NUDT3: variants seen among roughly 807,000 people sequenced by gnomAD.
NUDT3 encodes diphosphoinositol polyphosphate phosphohydrolase 1.
A neutral mutation model predicts 23.6 loss-of-function variants in NUDT3; 9 were observed. The observed-to-expected ratio is 0.38, with a 90% CI of 0.23 to 0.66. The LOEUF is 0.66. NUDT3 is among the 30% of genes least tolerant of loss of function. NUDT3 has a pLI of 0.52. For synonymous variants in NUDT3, 86 were observed against 82.6 expected (o/e 1.04, Z -0.22); for missense variants, 172 against 218.5 (o/e 0.79, Z 1.34).
At chr6:34,311,991 A>G (rs1252096077) in intron 2 of NUDT3, among the ~76,000 whole-genome samples, 1 of 152,222 alleles carries the variant, frequency 6.6e-6, no homozygotes, top group Non-Finnish European at 1.5e-5. Context: ...ACACAAGGGA[A>G]AATATAGGTG....
chr6:34,288,686 G>A lies in NUDT3; in HGVS notation c.*67C>T. 6.5e-7 allele frequency: 1 copy of A among 1,545,464 alleles called. No individual in the cohort carries two copies. ...GCCTGTGAGAAGTGGAAAGAGCCAG[G>A]GTGAGAGGGAAGATTTGCACTTCAG... On this transcript the variant is annotated 3_prime_UTR_variant, in exon 5 of 5. Transcript: ENST00000607016.
At chr6:34,370,931 A>G (rs1348786891) in intron 1 of NUDT3, among the ~76,000 whole-genome samples, 2 of 151,124 alleles carry the variant, frequency 1.3e-5, no homozygotes, top group Non-Finnish European at 2.9e-5. Flanking sequence ...TGGTGAAACT[A>G]AATTTTTAGT....
chr6:34,364,675 G>C (rs1764699491), intron 1 of NUDT3, among the ~76,000 whole-genome samples: 1 of 152,192 alleles, frequency 6.6e-6, no homozygotes, highest in Non-Finnish European at 1.5e-5. Context: ...CCTAAGAACT[G>C]GCCATTATGT....
At chr6:34,304,762 G>A (rs1763652912) in intron 2 of NUDT3, among the ~76,000 whole-genome samples, 1 of 150,962 alleles carries the variant, frequency 6.6e-6, no homozygotes, top group African/African-American at 2.4e-5. Context: ...CCAGGCTGAA[G>A]CAATCCTCCC....
rs1671150325 is a variant in NUDT3 at position 34,392,537 on chromosome 6, G to A, written c.-175C>T. 4.7e-6 allele frequency: 2 copies of A among 424,050 alleles called. No individual in the cohort carries two copies. Among genetic ancestry groups the A allele is most frequent in the Admixed American group, 9.2e-5 (2 of 21,640 alleles). The allele number at this position is 424,050 out of a possible 1,614,324, so 26.3% of individuals were successfully genotyped here. On this transcript the variant is annotated 5_prime_UTR_variant, in exon 1 of 5. Coordinates refer to ENST00000607016, the MANE Select transcript of NUDT3 (RefSeq NM_006703.4). The stretch of plus-strand genomic sequence containing the variant: ...CGCCGCGGCCGCCTCATTCCCCCAG[G>A]CCCAGGTCCCGCGCCGCCGCTGCCA...
intron 4 of NUDT3, among the ~76,000 whole-genome samples, chr6:34,290,122 T>C (rs2113690714): frequency 6.6e-6 from 1 of 152,328 alleles, no homozygotes; most frequent in East Asian, 1.9e-4. Flanking sequence ...CTGTTATGAC[T>C]ATTAGTATGG....
At chr6:34,297,747 ATATATATATATAATTTT>A (rs1561899039) in intron 2 of NUDT3, among the ~76,000 whole-genome samples, 21 of 111,002 alleles carry the variant, frequency 1.9e-4, no homozygotes, top group African/African-American at 7.0e-4. Context: ...ATATATATAT[ATATATATATATAATTTT>A]TTTTTTTTTT....
intron 1 of NUDT3, among the ~76,000 whole-genome samples, chr6:34,391,000 A>G (rs773641204): frequency 7.2e-5 from 11 of 152,236 alleles, no homozygotes; most frequent in Non-Finnish European, 8.8e-5. Context: ...TACAAAGCAT[A>G]CGTTTCCAAA....
intron 1 of NUDT3, among the ~76,000 whole-genome samples, chr6:34,364,102 A>G (rs933298189): frequency 1.3e-5 from 2 of 152,214 alleles, no homozygotes; most frequent in Non-Finnish European, 1.5e-5. Context: ...TTTAAGTAAC[A>G]AATTTTTCTG....
In NUDT3 at chr6:34,279,965, A is replaced by T. The variant is rs1356278328; in HGVS notation, c.*8788T>A. 6.6e-6 allele frequency: 1 copy of T among 152,158 alleles called. No homozygotes were observed. The highest frequency in any genetic ancestry group is 1.5e-5 in the Non-Finnish European group (1 of 68,078). The allele number at this position is 152,158 out of a possible 1,614,324, so 9.4% of individuals were successfully genotyped here. On this transcript the variant is annotated 3_prime_UTR_variant, in exon 5 of 5. Transcript: ENST00000607016. ...ACATTAGTAAAGTAGGGAAAGGGTT[A>T]TATGTGTGGCTGGCCTGTTCTTTAG...
In NUDT3 at chr6:34,344,976, T is replaced by C. The variant is rs368030638; in HGVS notation, c.100-3004A>G. Among the ~76,000 whole-genome samples the C allele has an allele frequency of 1.1e-3, 165 of 152,194 alleles. 3 individuals carry two copies. In the South Asian group the frequency reaches 0.032, roughly 29 times the overall value. On this transcript the variant is annotated intron_variant, in intron 1 of 4. Coordinates refer to ENST00000607016, the MANE Select transcript of NUDT3 (RefSeq NM_006703.4). ...GAATTGTTCATTTTAAAATGGCTAA[T>C]GGTATGTTACATGAATTCCATTTTG...
In NUDT3 at chr6:34,281,507, C is replaced by T. The variant is rs1248442780; in HGVS notation, c.*7246G>A. ...CTAACTGAAATTTTACTTATTCTAA[C>T]CACCAACCTTTTCTTTGATTATCAA... On this transcript the variant is annotated 3_prime_UTR_variant, in exon 5 of 5. Coordinates refer to ENST00000607016, the MANE Select transcript of NUDT3 (RefSeq NM_006703.4). The T allele has an allele frequency of 5.6e-4, 11 of 19,684 alleles. No homozygotes were observed. Among genetic ancestry groups the T allele is most frequent in the African/African-American group, 9.1e-4 (10 of 11,016 alleles). The allele number at this position is 19,684 out of a possible 1,614,324, so 1.2% of individuals were successfully genotyped here. A position where few individuals can be genotyped will look rare whatever the true frequency, so the allele number is the denominator to read the frequency against.
At position 34,300,951 on chromosome 6, in the gene NUDT3, C is replaced by A. The variant is rs3798555; in HGVS notation, c.211-5266G>T. Among the ~76,000 whole-genome samples, 58 of 152,250 alleles carry A rather than the reference C, an allele frequency of 3.8e-4. 1 individual carries two copies. The East Asian group carries it at 0.011, about 28-fold the overall frequency. On this transcript the variant is annotated intron_variant, in intron 2 of 4. Coordinates refer to ENST00000607016, the MANE Select transcript of NUDT3 (RefSeq NM_006703.4). ...ATACTTTTACTACTTGGGTATGTAT[C>A]CACTATTAACAGTATTTGCTGCAAG...
At chr6:34,318,706 T>C (rs1165444310) in intron 2 of NUDT3, among the ~76,000 whole-genome samples, 4 of 152,056 alleles carry the variant, frequency 2.6e-5, no homozygotes, top group Non-Finnish European at 5.9e-5. Context: ...GTGATGAACC[T>C]CTTGTACATG....
chr6:34,333,940 A>C (rs768809333), intron 2 of NUDT3, among the ~76,000 whole-genome samples: 2 of 152,258 alleles, frequency 1.3e-5, no homozygotes, highest in Admixed American at 6.5e-5. Flanking sequence ...GTTTTGCATA[A>C]GACAGGAAAA....
At position 34,338,153 on chromosome 6, in the gene NUDT3, C is replaced by A. The variant is rs543146855; in HGVS notation, c.210+3709G>T. ...CTTCTAATTCCACATTATCCCAGGT[C>A]TGACAGGAAAGTGGGAAACCAATTC... On this transcript the variant is annotated intron_variant, in intron 2 of 4. Transcript: ENST00000607016. 3.9e-5 allele frequency among the ~76,000 whole-genome samples: 6 copies of A among 152,358 alleles called. No homozygotes were observed. In the South Asian group the frequency reaches 1.2e-3, roughly 32 times the overall value.
intron 1 of NUDT3, among the ~76,000 whole-genome samples, chr6:34,388,974 T>A (rs565221879): frequency 2.0e-4 from 30 of 152,336 alleles, no homozygotes; most frequent in Non-Finnish European, 3.4e-4. Flanking sequence ...CAGTTTAAAA[T>A]TTTAAGCTCC....
intron 1 of NUDT3, among the ~76,000 whole-genome samples, chr6:34,379,835 T>C (rs1764983554): frequency 6.6e-6 from 1 of 151,588 alleles, no homozygotes; most frequent in Admixed American, 6.6e-5. Context: ...GCCAACATGG[T>C]GAAACCCCAT....
intron 1 of NUDT3, among the ~76,000 whole-genome samples, chr6:34,373,294 G>A (rs1206712882): frequency 6.8e-6 from 1 of 147,580 alleles, no homozygotes; most frequent in African/African-American, 2.5e-5. Flanking sequence ...AAAAAAAAAA[G>A]TGTATACAGA....
Sources: allele counts gnomAD v4.1 joint callset (sites outside exome capture counted in the v4.1 genomes callset), GRCh38; gene constraint gnomAD v4.1.1; transcripts MANE v1.5; gene names NCBI Gene and HGNC (gene_info 2026-07-23, HGNC 2026-07-21).